NUMB: variants seen among roughly 807,000 people sequenced by gnomAD.
NUMB encodes protein numb homolog.
In NUMB, 29 loss-of-function variants were observed where a neutral mutation model predicts 59.7. The ratio of observed to expected loss-of-function variants is 0.49; its 90% confidence interval spans 0.36 to 0.66. NUMB has a LOEUF of 0.66. Among genes scored for constraint, NUMB ranks in the 30% least tolerant of loss-of-function variants. The pLI is 0.00. For synonymous variants in NUMB, 288 were observed against 288.2 expected, an observed-to-expected ratio of 1.00 and a Z score of 0.01; for missense variants, 723 against 822.0, an observed-to-expected ratio of 0.88 and a Z score of 1.47.
At chr14:73,345,776 C>G (rs1462498806) in intron 4 of NUMB, among the ~76,000 whole-genome samples, 1 of 151,852 alleles carries the variant, frequency 6.6e-6, no homozygotes, top group Non-Finnish European at 1.5e-5. Context: ...GGCGTGGTGG[C>G]AGGCACCTGT....
chr14:73,451,180 A>AAC (rs1883940425), intron 1 of NUMB, among the ~76,000 whole-genome samples: 1 of 148,208 alleles, frequency 6.7e-6, no homozygotes, highest in Non-Finnish European at 1.5e-5. Flanking sequence ...AAAAACAAAA[A>AAC]ACAAATCTAC....
At chr14:73,377,339 T>A (rs1390751583) in intron 2 of NUMB, among the ~76,000 whole-genome samples, 1 of 152,120 alleles carries the variant, frequency 6.6e-6, no homozygotes, top group Non-Finnish European at 1.5e-5. Context: ...ACATGTCTGA[T>A]AAAGGACTAT....
intron 1 of NUMB, among the ~76,000 whole-genome samples, chr14:73,453,181 G>A (rs1884107542): frequency 6.6e-6 from 1 of 152,166 alleles, no homozygotes; most frequent in Admixed American, 6.5e-5. Context: ...TGCCCAGGCT[G>A]GAGTACAATG....
rs1889494327 is a variant in NUMB, at chr14:73,292,969, C to T, written c.310-95G>A. ...TTCATTTCATGATGCACAATCCATA[C>T]ATCTGATACAACTAGGCTATGGAAT... On this transcript the variant is annotated intron_variant, in intron 7 of 12. Coordinates refer to ENST00000555238, the MANE Select transcript of NUMB (RefSeq NM_001005743.2). 4 of 1,218,580 alleles carry T rather than the reference C, an allele frequency of 3.3e-6. No individual in the cohort carries two copies. In the South Asian group the frequency reaches 5.3e-5, roughly 16 times the overall value. The allele number at this position is 1,218,580 out of a possible 1,614,324, so 75.5% of individuals were successfully genotyped here.
chr14:73,353,090 T>C lies in NUMB; in HGVS notation c.126+2536A>G, dbSNP rs921677443. On this transcript the variant is annotated intron_variant, in intron 4 of 12. Transcript: ENST00000555238. ...TTTTCTTGTTTTTTTTTTTTTTTTT[T>C]TTTTTTTTTTTGAGACAGAGTCTCA... Among the ~76,000 whole-genome samples, 26 of 115,364 alleles carry C rather than the reference T, an allele frequency of 2.3e-4. 1 individual carries two copies. The highest frequency in any genetic ancestry group is 7.3e-4 in the African/African-American group (23 of 31,472). 75.7% of individuals were successfully genotyped at this position (115,364 alleles called of 152,430 possible). A position where few individuals can be genotyped will look rare whatever the true frequency, so the allele number is the denominator to read the frequency against.
chr14:73,371,492 G>A (rs1043763144), intron 2 of NUMB, among the ~76,000 whole-genome samples: 9 of 151,572 alleles, frequency 5.9e-5, no homozygotes, highest in Non-Finnish European at 1.3e-4. Context: ...CCGAGATTGC[G>A]CCACTGCACT....
intron 1 of NUMB, among the ~76,000 whole-genome samples, chr14:73,439,346 GAATA>G (rs1882853301): frequency 6.6e-6 from 1 of 152,070 alleles, no homozygotes; most frequent in Non-Finnish European, 1.5e-5. Flanking sequence ...CTCTAAAAGT[GAATA>G]ATTAATGACT....
chr14:73,309,749 AT>A (rs1484902985), intron 6 of NUMB, among the ~76,000 whole-genome samples: 58 of 145,720 alleles, frequency 4.0e-4, no homozygotes, highest in African/African-American at 1.5e-3. Flanking sequence ...AATAATAATA[AT>A]AATAATAAAA....
At chr14:73,406,178 T>C (rs1031542489) in intron 2 of NUMB, among the ~76,000 whole-genome samples, 4 of 152,060 alleles carry the variant, frequency 2.6e-5, no homozygotes, top group South Asian at 2.1e-4. Flanking sequence ...ATGTGCCACG[T>C]TGGTGTGCTG....
At chr14:73,364,643 T>C (rs1451157841) in intron 3 of NUMB, among the ~76,000 whole-genome samples, 1 of 152,230 alleles carries the variant, frequency 6.6e-6, no homozygotes, top group Non-Finnish European at 1.5e-5. Flanking sequence ...CACTATTTTT[T>C]TTTAGACAGG....
intron 7 of NUMB, among the ~76,000 whole-genome samples, 176 bp downstream of exon 7, chr14:73,297,035 C>T (rs1039153002): frequency 2.6e-5 from 4 of 152,090 alleles, no homozygotes; most frequent in Non-Finnish European, 5.9e-5. Flanking sequence ...GGCATGGTGG[C>T]ACATGCCTGT....
rs148415044 is a variant in NUMB, at chr14:73,418,530, G to T, written c.-232-8462C>A. Among the ~76,000 whole-genome samples the T allele has an allele frequency of 4.8e-3, 732 of 152,098 alleles. 8 individuals carry two copies. The highest frequency in any genetic ancestry group is 0.017 in the African/African-American group (700 of 41,480). On this transcript the variant is annotated intron_variant, in intron 1 of 12. Transcript: ENST00000555238. Reference sequence around the variant, plus strand: ...CTCACACCTGTAATCCCAGCGCTTTGGGAGGCACAGGCAGGTAGATCATCT... The same window carrying T: ...CTCACACCTGTAATCCCAGCGCTTTTGGAGGCACAGGCAGGTAGATCATCT...
In NUMB at chr14:73,374,084, G is replaced by A. The variant is rs191569379; in HGVS notation, c.-100-7103C>T. Among the ~76,000 whole-genome samples, 113 of 152,192 alleles carry A rather than the reference G, an allele frequency of 7.4e-4. 1 individual carries two copies. The highest frequency in any genetic ancestry group is 2.6e-3 in the African/African-American group (110 of 41,534). On this transcript the variant is annotated intron_variant, in intron 2 of 12. Coordinates refer to ENST00000555238, the MANE Select transcript of NUMB (RefSeq NM_001005743.2). ...GGGTTTCACCATTGTTGGTCAGGCTGGTCTCGAACCCCTGACCTTAGGTGA... is the reference window on the plus strand; with the variant it reads ...GGGTTTCACCATTGTTGGTCAGGCTAGTCTCGAACCCCTGACCTTAGGTGA...
intron 4 of NUMB, among the ~76,000 whole-genome samples, chr14:73,346,035 A>C (rs1892899540): frequency 6.6e-6 from 1 of 152,242 alleles, no homozygotes; most frequent in Non-Finnish European, 1.5e-5. Context: ...CAAAACAAAG[A>C]AATTTAGTGA....
intron 7 of NUMB, among the ~76,000 whole-genome samples, chr14:73,295,993 T>A (rs967122946): frequency 5.6e-4 from 86 of 152,298 alleles, no homozygotes; most frequent in African/African-American, 2.0e-3. Context: ...GTTAATTAGT[T>A]CAAATATCAT....
At chr14:73,284,518 C>A in intron 9 of NUMB, 144 bp from the exon 10 acceptor site, 3 of 663,392 alleles carry the variant, frequency 4.5e-6, no homozygotes, top group Non-Finnish European at 7.7e-6. Context: ...AAGCAGGGTT[C>A]GGATCCATTT....
chr14:73,434,998 T>C (rs1476195994), intron 1 of NUMB, among the ~76,000 whole-genome samples: 1 of 152,192 alleles, frequency 6.6e-6, no homozygotes, highest in Non-Finnish European at 1.5e-5. Context: ...CACAATCTTT[T>C]ACTAAGATAT....
chr14:73,397,401 C>T (rs1273932140), intron 2 of NUMB, among the ~76,000 whole-genome samples: 2 of 152,210 alleles, frequency 1.3e-5, no homozygotes, highest in African/African-American at 4.8e-5. Context: ...AGGAATTCAG[C>T]GGGGAGAAAG....
At chr14:73,305,495 A>G (rs1156866867) in intron 6 of NUMB, among the ~76,000 whole-genome samples, 1 of 152,166 alleles carries the variant, frequency 6.6e-6, no homozygotes, top group Non-Finnish European at 1.5e-5. Context: ...CAGTGAGATA[A>G]GAGCATGCCA....
Sources: allele counts gnomAD v4.1 joint callset (sites outside exome capture counted in the v4.1 genomes callset), GRCh38; gene constraint gnomAD v4.1.1; transcripts MANE v1.5; gene names NCBI Gene and HGNC (gene_info 2026-07-23, HGNC 2026-07-21).